The following PDE4B variants were observed in gnomAD, a reference collection of about 807,000 sequenced individuals.
PDE4B encodes phosphodiesterase 4B.
Under a neutral mutation model 82.2 loss-of-function variants are expected in PDE4B, and 20 were observed. The observed-to-expected ratio is 0.24, with a 90% confidence interval of 0.17 to 0.35. The LOEUF (loss-of-function observed/expected upper bound fraction) is 0.35, where lower values mean the gene tolerates loss of function less well. Among genes scored for constraint, PDE4B ranks in the 10% least tolerant of loss-of-function variants. The probability of loss-of-function intolerance (pLI) is 1.00; values close to 1 mark genes in which losing one functional copy is unlikely to be tolerated. For synonymous variants in PDE4B, 320 were observed against 318.9 expected (o/e 1.00, Z -0.04); for missense variants, 655 against 907.2 (o/e 0.72, Z 3.57).
chr1:66,365,544 G>A, intron 12 of PDE4B, 123 bp from the exon 13 acceptor site: 1 of 562,252 alleles, frequency 1.8e-6, no homozygotes, highest in South Asian at 2.6e-5. Flanking sequence ...AGTATATTGA[G>A]ATATTACATA....
intron 3 of PDE4B, among the ~76,000 whole-genome samples, chr1:66,189,229 T>A (rs1247494869): frequency 6.6e-6 from 1 of 152,082 alleles, no homozygotes; most frequent in Non-Finnish European, 1.5e-5. Flanking sequence ...TTTCCCTTTG[T>A]GGGTAACCTG....
chr1:65,904,158 A>G (rs930868815), intron 1 of PDE4B, among the ~76,000 whole-genome samples: 4 of 152,166 alleles, frequency 2.6e-5, no homozygotes, highest in Non-Finnish European at 5.9e-5. Flanking sequence ...GAGTCTACAT[A>G]GAAGACTTAC....
In PDE4B at chr1:66,368,808, T is replaced by A; in HGVS notation, c.1684T>A (p.Cys562Ser). The change falls in exon 16 of 17, where the codon TGT (cysteine) becomes AGT (serine). Residue 562 changes from cysteine to serine, a missense_variant. Physicochemically the swap from Cys to Ser is moderately radical, Grantham distance 112 (BLOSUM62 -1). Transcript: ENST00000341517. Reference protein sequence around the residue: ...RIQVLRNMVHCADLSNPTKSL... With the variant: ...RIQVLRNMVHSADLSNPTKSL... The stretch of plus-strand genomic sequence containing the variant: ...TCAGGTCCTTCGCAACATGGTACAC[T>A]GTGCAGACCTGAGCAACCCCACCAA... 3 of 1,589,570 alleles carry A rather than the reference T, an allele frequency of 1.9e-6. No homozygotes were observed. Among genetic ancestry groups the A allele is most frequent in the Non-Finnish European group, 2.6e-6 (3 of 1,167,232 alleles).
intron 3 of PDE4B, among the ~76,000 whole-genome samples, chr1:66,131,592 GATATATATATATATATATATAT>G (rs71058452): frequency 2.3e-3 from 76 of 32,870 alleles, no homozygotes; most frequent in Non-Finnish European, 3.8e-3. Context: ...CTGAATGCCA[GATATATATATATATATATATAT>G]ATATATATAT....
intron 3 of PDE4B, among the ~76,000 whole-genome samples, chr1:66,004,174 G>C (rs1449904366): frequency 6.6e-6 from 1 of 152,172 alleles, no homozygotes; most frequent in African/African-American, 2.4e-5. Flanking sequence ...ATGATGGTTA[G>C]TATAATCCCT....
intron 9 of PDE4B, among the ~76,000 whole-genome samples, chr1:66,359,177 G>C (rs7522170): frequency 0.69 from 104,464 of 152,168 alleles, 36,241 homozygotes; most frequent in East Asian, 0.96. Flanking sequence ...TCAAAACCTA[G>C]AACTTAGAAT....
chr1:66,021,355 CA>C (rs1275780358), intron 3 of PDE4B, among the ~76,000 whole-genome samples: 9 of 152,194 alleles, frequency 5.9e-5, no homozygotes, highest in Admixed American at 6.5e-5. Context: ...CTTTTGTTGC[CA>C]TTGCTTTTGG....
intron 3 of PDE4B, among the ~76,000 whole-genome samples, chr1:65,966,006 C>G (rs577292195): frequency 1.2e-3 from 190 of 152,164 alleles, no homozygotes; most frequent in Non-Finnish European, 1.5e-3. Flanking sequence ...GATGCCCTCT[C>G]TCACCACTCT....
At chr1:65,918,331 A>C (rs533796765) in intron 2 of PDE4B, among the ~76,000 whole-genome samples, 1 of 152,214 alleles carries the variant, frequency 6.6e-6, no homozygotes, top group Non-Finnish European at 1.5e-5. Context: ...GAGGCCTCCA[A>C]TCCACATGCT....
chr1:65,853,500 T>C (rs189810775), intron 1 of PDE4B, among the ~76,000 whole-genome samples: 1 of 152,216 alleles, frequency 6.6e-6, no homozygotes, highest in East Asian at 1.9e-4. Context: ...TTTTGTGTTA[T>C]TCTTCATTAT....
chr1:66,014,151 G>T (rs568966596), intron 3 of PDE4B, among the ~76,000 whole-genome samples: 5 of 152,136 alleles, frequency 3.3e-5, no homozygotes, highest in African/African-American at 1.2e-4. Context: ...TTGCTGTGTT[G>T]TTGTTGAGTT....
intron 3 of PDE4B, among the ~76,000 whole-genome samples, chr1:65,942,569 G>A (rs113731139): frequency 2.0e-5 from 3 of 151,896 alleles, no homozygotes; most frequent in African/African-American, 7.3e-5. Context: ...GGGTCATATG[G>A]TAGCTCTATT....
At chr1:65,959,233 A>G (rs1402602927) in intron 3 of PDE4B, among the ~76,000 whole-genome samples, 1 of 152,204 alleles carries the variant, frequency 6.6e-6, no homozygotes, top group Admixed American at 6.5e-5. Flanking sequence ...GCATTTATAC[A>G]TGTTTTATAT....
rs11584904 is a variant in PDE4B at position 66,244,349 on chromosome 1, A to T, written c.282-3111A>T. On this transcript the variant is annotated intron_variant, in intron 3 of 16. Transcript: ENST00000341517. ...ATATTTCTTTTATAATGATTTTTTT[A>T]AAATATAAAGCAGCCTAAAGGTGAA... 3.3e-3 allele frequency among the ~76,000 whole-genome samples: 509 copies of T among 152,254 alleles called. 1 individual carries two copies. The highest frequency in any genetic ancestry group is 5.1e-3 in the Non-Finnish European group (350 of 68,014).
chr1:66,322,040 T>G (rs1226475605), intron 7 of PDE4B, among the ~76,000 whole-genome samples: 2 of 152,174 alleles, frequency 1.3e-5, no homozygotes, highest in East Asian at 3.8e-4. Context: ...CCTCTGATCT[T>G]TGACAAACTT....
At chr1:65,943,657 C>T (rs994830221) in intron 3 of PDE4B, among the ~76,000 whole-genome samples, 11 of 151,712 alleles carry the variant, frequency 7.3e-5, no homozygotes, top group Admixed American at 2.0e-4. Context: ...TCCATATATC[C>T]GAGTCTTCTT....
chr1:65,886,744 T>C (rs1320138333), intron 1 of PDE4B, among the ~76,000 whole-genome samples: 1 of 152,216 alleles, frequency 6.6e-6, no homozygotes, highest in Non-Finnish European at 1.5e-5. Flanking sequence ...TATTCTATCA[T>C]GTACGTATAC....
At chr1:66,173,949 G>A (rs186581407) in intron 3 of PDE4B, among the ~76,000 whole-genome samples, 113 of 152,194 alleles carry the variant, frequency 7.4e-4, no homozygotes, top group African/African-American at 2.6e-3. Context: ...ACCACACCTG[G>A]CTAATTTTCA....
intron 4 of PDE4B, among the ~76,000 whole-genome samples, chr1:66,253,171 C>G (rs1186462262): frequency 6.6e-6 from 1 of 152,164 alleles, no homozygotes; most frequent in East Asian, 1.9e-4. Context: ...TACCTAATGT[C>G]GCATAGCTAG....
Sources: gnomAD v4.1 joint callset for allele counts (sites outside exome capture counted in the v4.1 genomes callset) on GRCh38, gnomAD v4.1.1 for gene constraint, MANE v1.5 for transcripts, NCBI Gene and HGNC (gene_info 2026-07-23, HGNC 2026-07-21) for gene names.